Variants in PRKCH observed in about 807,000 individuals in gnomAD.
PRKCH encodes the protein protein kinase C eta, also known as protein kinase C eta type.
Under a neutral mutation model 82.5 loss-of-function variants are expected in PRKCH, and 28 were observed. That is an observed-to-expected ratio of 0.34 (90% CI 0.25 to 0.47). The LOEUF (loss-of-function observed/expected upper bound fraction) is 0.47, where lower values mean the gene tolerates loss of function less well. PRKCH is among the 20% of genes least tolerant of loss of function. PRKCH has a pLI of 1.00. For missense variants in PRKCH, 705 were observed against 881.8 expected, an observed-to-expected ratio of 0.80 and a Z score of 2.54; for synonymous variants, 322 against 327.4, an observed-to-expected ratio of 0.98 and a Z score of 0.18.
At chr14:61,248,008 A>G (rs2044903357) in intron 1 of PRKCH, among the ~76,000 whole-genome samples, 1 of 152,176 alleles carries the variant, frequency 6.6e-6, no homozygotes, top group Admixed American at 6.5e-5. Flanking sequence ...ATCCAGTGTC[A>G]TTTCACAGTG....
At chr14:61,272,728 A>G (rs1184817248) in intron 1 of PRKCH, among the ~76,000 whole-genome samples, 40 of 152,190 alleles carry the variant, frequency 2.6e-4, no homozygotes, top group Admixed American at 2.6e-3. Flanking sequence ...CTGAGTATCT[A>G]CAAAAACACT....
At chr14:61,289,932 T>A (rs2045346173) in intron 1 of PRKCH, among the ~76,000 whole-genome samples, 3 of 152,114 alleles carry the variant, frequency 2.0e-5, no homozygotes, top group Admixed American at 2.0e-4. Context: ...AAAGGATAAG[T>A]CATTGCATCT....
chr14:61,389,946 C>A (rs1566853385), intron 1 of PRKCH, among the ~76,000 whole-genome samples: 1 of 152,152 alleles, frequency 6.6e-6, no homozygotes, highest in Non-Finnish European at 1.5e-5. Context: ...TGAAACTTCT[C>A]TATATGCCAG....
At chr14:61,251,502 T>C (rs2044946271) in intron 1 of PRKCH, among the ~76,000 whole-genome samples, 1 of 152,230 alleles carries the variant, frequency 6.6e-6, no homozygotes, top group East Asian at 1.9e-4. Flanking sequence ...TGACCTACTG[T>C]TCCATTCATG....
At chr14:61,357,895 T>A (rs2046172679) in intron 1 of PRKCH, among the ~76,000 whole-genome samples, 1 of 152,190 alleles carries the variant, frequency 6.6e-6, no homozygotes, top group Admixed American at 6.5e-5. Context: ...CTCTAGGTTT[T>A]CACTCTCTGT....
chr14:61,492,946 G>C (rs1472611707), intron 10 of PRKCH, among the ~76,000 whole-genome samples: 1 of 152,208 alleles, frequency 6.6e-6, no homozygotes, highest in East Asian at 1.9e-4. Flanking sequence ...GTTTAGGTAG[G>C]GGAGCAAGTT....
At chr14:61,519,489 A>C (rs2042874905) in intron 10 of PRKCH, among the ~76,000 whole-genome samples, 1 of 151,988 alleles carries the variant, frequency 6.6e-6, no homozygotes, top group Non-Finnish European at 1.5e-5. Context: ...TGCTGGGAGG[A>C]GGTATGAGGG....
chr14:61,284,675 G>A (rs1233202159), intron 1 of PRKCH, among the ~76,000 whole-genome samples: 4 of 152,140 alleles, frequency 2.6e-5, no homozygotes, highest in Non-Finnish European at 1.5e-5. Context: ...ATGTATTAAA[G>A]GATGCTTGGA....
chr14:61,283,152 G>A (rs1402043969), intron 1 of PRKCH, among the ~76,000 whole-genome samples: 1 of 151,882 alleles, frequency 6.6e-6, no homozygotes, highest in Admixed American at 6.6e-5. Context: ...TTATAGGTGT[G>A]AGCCATCACA....
At chr14:61,341,362 A>T (rs576560610) in intron 1 of PRKCH, among the ~76,000 whole-genome samples, 1 of 152,342 alleles carries the variant, frequency 6.6e-6, no homozygotes, top group African/African-American at 2.4e-5. Flanking sequence ...CTTGTATAAC[A>T]TTAGAAAAGA....
At chr14:61,508,341 CA>C (rs1020701086) in intron 10 of PRKCH, among the ~76,000 whole-genome samples, 2 of 152,086 alleles carry the variant, frequency 1.3e-5, no homozygotes, top group Non-Finnish European at 2.9e-5. Context: ...GAGGGAGCAG[CA>C]CAGATCATAG....
At chr14:61,208,800 T>A (rs530210523) in intron 1 of PRKCH, among the ~76,000 whole-genome samples, 2 of 152,336 alleles carry the variant, frequency 1.3e-5, no homozygotes, top group East Asian at 3.9e-4. Context: ...CAATTACCAT[T>A]GCTATGATCT....
rs80349965 is a variant in PRKCH at position 61,365,675 on chromosome 14, G to A, written c.364-25550G>A. Among the ~76,000 whole-genome samples, 1,043 of 152,022 alleles carry A rather than the reference G, an allele frequency of 6.9e-3. 17 individuals carry two copies. Among genetic ancestry groups the A allele is most frequent in the African/African-American group, 0.024 (995 of 41,370 alleles). On this transcript the variant is annotated intron_variant, in intron 1 of 13. Coordinates refer to ENST00000332981, the MANE Select transcript of PRKCH (RefSeq NM_006255.5). ...TGTGTCTTCCAAGGTGAGAAAAAAC[G>A]TTAAAACATATCATGTATTTTCTGG...
At chr14:61,483,519 C>A (rs1886074395) in intron 9 of PRKCH, among the ~76,000 whole-genome samples, 1 of 152,152 alleles carries the variant, frequency 6.6e-6, no homozygotes, top group Non-Finnish European at 1.5e-5. Context: ...TCGCTTTTAG[C>A]AGAAAGAAGT....
intron 10 of PRKCH, among the ~76,000 whole-genome samples, chr14:61,502,657 A>C (rs1477906613): frequency 6.6e-6 from 1 of 152,092 alleles, no homozygotes; most frequent in African/African-American, 2.4e-5. Context: ...GGGAGTTCTC[A>C]AACACCTTTC....
intron 12 of PRKCH, among the ~76,000 whole-genome samples, chr14:61,545,919 G>C (rs1314830906): frequency 6.6e-6 from 1 of 152,184 alleles, no homozygotes; most frequent in Non-Finnish European, 1.5e-5. Flanking sequence ...TTGCCCAGAA[G>C]AACAGGCTGT....
chr14:61,493,153 A>G (rs1180922257), intron 10 of PRKCH, among the ~76,000 whole-genome samples: 2 of 152,172 alleles, frequency 1.3e-5, no homozygotes, highest in Non-Finnish European at 2.9e-5. Flanking sequence ...ATTGCCTATC[A>G]CAGGAAACAT....
intron 1 of PRKCH, among the ~76,000 whole-genome samples, chr14:61,373,070 G>C (rs550918679): frequency 1.3e-5 from 2 of 151,970 alleles, no homozygotes; most frequent in Admixed American, 6.5e-5. Context: ...CTGATGTTCA[G>C]AAAATGCTCT....
rs867298644 is a variant in PRKCH, at chr14:61,393,446, C to T, written c.427+2158C>T. Among the ~76,000 whole-genome samples the T allele has an allele frequency of 5.3e-5, 8 of 152,310 alleles. No individual in the cohort carries two copies. The South Asian group carries it at 6.2e-4, about 12-fold the overall frequency. On this transcript the variant is annotated intron_variant, in intron 2 of 13. Transcript: ENST00000332981. ...GTAGTCCGTGGACATGGTCTTTGCT[C>T]GTAAGGCATAGCCAGTGTGAGGTTT...
Sources: allele counts gnomAD v4.1 joint callset (sites outside exome capture counted in the v4.1 genomes callset), GRCh38; gene constraint gnomAD v4.1.1; transcripts MANE v1.5; gene names NCBI Gene and HGNC (gene_info 2026-07-23, HGNC 2026-07-21).